Variants in COA5 observed in about 807,000 individuals in gnomAD.
COA5 encodes protein C2orf64.
A neutral mutation model predicts 11.8 loss-of-function variants in COA5; 11 were observed. The observed-to-expected ratio is 0.93, with a 90% confidence interval of 0.59 to 1.54. The LOEUF (loss-of-function observed/expected upper bound fraction) is 1.54, where lower values mean the gene tolerates loss of function less well. Ranked by LOEUF, COA5 falls within the 40% of genes most tolerant of loss-of-function variation. COA5 has a pLI of 0.00. For synonymous variants in COA5, 38 were observed against 37.5 expected, an observed-to-expected ratio of 1.01 and a Z score of -0.05; for missense variants, 87 against 89.2, an observed-to-expected ratio of 0.97 and a Z score of 0.10.
At chr2:98,600,900 G>T in intron 2 of COA5, 107 bp from the exon 3 acceptor site, 1 of 756,058 alleles carries the variant, frequency 1.3e-6, no homozygotes, top group Non-Finnish European at 2.3e-6. Flanking sequence ...CCAGTTATTA[G>T]CAAAATCAAA....
rs1392295555 is a variant in COA5, at chr2:98,608,367, C to G, written c.39G>C (p.Ala13=). The G allele has an allele frequency of 4.3e-6, 7 of 1,609,556 alleles. No homozygotes were observed. The highest frequency in any genetic ancestry group is 5.9e-6 in the Non-Finnish European group (7 of 1,178,792). The change falls in exon 1 of 3, where the codon GCG becomes GCC. Residue 13 remains alanine, a synonymous_variant. Transcript: ENST00000328709. ...CCAGGTCCTCCTTCAGGCCCGCGCACGCGCCGCCCTGCGGCTTGTCCTCAT... is the reference window on the plus strand; with the variant it reads ...CCAGGTCCTCCTTCAGGCCCGCGCAGGCGCCGCCCTGCGGCTTGTCCTCAT... ...KYYEDKPQGG[A]CAGLKEDLGA... is the part of the protein sequence containing the mutation.
intron 1 of COA5, 110 bp downstream of exon 1, chr2:98,608,197 G>A: frequency 5.2e-6 from 4 of 775,128 alleles, no homozygotes; most frequent in Non-Finnish European, 8.8e-6. Context: ...TGTGACCTAC[G>A]CCCGGGATGG....
chr2:98,605,415 C>T (rs1171313456), intron 1 of COA5, among the ~76,000 whole-genome samples: 1 of 152,206 alleles, frequency 6.6e-6, no homozygotes, highest in African/African-American at 2.4e-5. Context: ...ATGAGAGTAA[C>T]ACCCTACTTG....
In COA5 at chr2:98,608,293, C is replaced by G; in HGVS notation, c.99+14G>C. The G allele has an allele frequency of 6.3e-7, 1 of 1,577,314 alleles. No individual in the cohort carries two copies. Among genetic ancestry groups the G allele is most frequent in the Non-Finnish European group, 8.6e-7 (1 of 1,162,130 alleles). ...ACAGGGGTCGTCACCACCGGGAGCGCCCGGCCGCGCTACCTGGACCACACA... is the reference window on the plus strand; with the variant it reads ...ACAGGGGTCGTCACCACCGGGAGCGGCCGGCCGCGCTACCTGGACCACACA... On this transcript the variant is annotated intron_variant, in intron 1 of 2. Coordinates refer to ENST00000328709, the MANE Select transcript of COA5 (RefSeq NM_001008215.3).
intron 1 of COA5, among the ~76,000 whole-genome samples, chr2:98,606,801 C>A (rs190661230): frequency 6.6e-6 from 1 of 152,224 alleles, no homozygotes; most frequent in Non-Finnish European, 1.5e-5. Flanking sequence ...CTCACTCTGA[C>A]ACACATACAG....
Position 98,599,575 on chromosome 2 carries a change from A to C in COA5, c.*1177T>G, listed in dbSNP as rs575411555. ...CTGTGGAATTCTCACTTTTTAGTAG[A>C]ACCTTTAAAAACTCAAGTGAGCTGT... is the stretch of plus-strand genomic sequence containing the variant. On this transcript the variant is annotated 3_prime_UTR_variant, in exon 3 of 3. Coordinates refer to ENST00000328709, the MANE Select transcript of COA5 (RefSeq NM_001008215.3). 1 of 152,310 alleles carries C rather than the reference A, an allele frequency of 6.6e-6. No individual in the cohort carries two copies. Among genetic ancestry groups the C allele is most frequent in the African/African-American group, 2.4e-5 (1 of 41,568 alleles). 9.4% of individuals were successfully genotyped at this position (152,310 alleles called of 1,614,324 possible).
intron 1 of COA5, among the ~76,000 whole-genome samples, chr2:98,606,454 T>C (rs548317565): frequency 1.7e-4 from 26 of 152,364 alleles, no homozygotes; most frequent in African/African-American, 5.5e-4. Flanking sequence ...AACTGAGCAC[T>C]GGTAAGGCCA....
chr2:98,604,678 A>G (rs1700686108), intron 1 of COA5: 1 of 164,534 alleles, frequency 6.1e-6, no homozygotes, highest in Non-Finnish European at 1.3e-5. Context: ...TTTTCCCTCA[A>G]GCAGATTTTG....
intron 2 of COA5, among the ~76,000 whole-genome samples, chr2:98,602,193 A>G (rs1478876342): frequency 1.3e-5 from 2 of 152,242 alleles, no homozygotes; most frequent in Non-Finnish European, 2.9e-5. Context: ...CTCACCTTCA[A>G]TAAGATGCAC....
chr2:98,606,953 T>TAAC (rs1381041986), intron 1 of COA5, among the ~76,000 whole-genome samples: 2 of 152,192 alleles, frequency 1.3e-5, no homozygotes, highest in African/African-American at 4.8e-5. Flanking sequence ...ACCACAACAG[T>TAAC]TCCCACTCCT....
At chr2:98,608,011 T>G (rs1347769917) in intron 1 of COA5, among the ~76,000 whole-genome samples, 2 of 152,246 alleles carry the variant, frequency 1.3e-5, no homozygotes, top group Non-Finnish European at 2.9e-5. Context: ...TTATTCTCCT[T>G]TATGTCTCCA....
Position 98,600,808 on chromosome 2 carries a change from A to T in COA5, c.184-15T>A. 6.5e-7 allele frequency: 1 copy of T among 1,532,748 alleles called. No homozygotes were observed. The highest frequency in any genetic ancestry group is 9.0e-7 in the Non-Finnish European group (1 of 1,108,848). 94.9% of individuals were successfully genotyped at this position (1,532,748 alleles called of 1,614,324 possible). A position where few individuals can be genotyped will look rare whatever the true frequency, so the allele number is the denominator to read the frequency against. On this transcript the variant is annotated splice_polypyrimidine_tract_variant and intron_variant, in intron 2 of 2. Coordinates refer to ENST00000328709, the MANE Select transcript of COA5 (RefSeq NM_001008215.3). ...CTGTTATCCAACTGAAAATAAATAT[A>T]CAATTAAATCAAATTTGGTACAATG...
At chr2:98,605,711 TG>T (rs977609234) in intron 1 of COA5, 21 of 152,290 alleles carry the variant, frequency 1.4e-4, no homozygotes, top group Middle Eastern at 3.4e-3. Context: ...TTTAACTTAT[TG>T]GGGGTAGGGT....
chr2:98,606,846 C>G (rs1370441798), intron 1 of COA5, among the ~76,000 whole-genome samples: 2 of 152,212 alleles, frequency 1.3e-5, no homozygotes, highest in African/African-American at 4.8e-5. Flanking sequence ...CCCCTCAGGC[C>G]TTCTGTCGCA....
rs895031069 is a variant in COA5, at chr2:98,600,376, T to C, written c.*376A>G. On this transcript the variant is annotated 3_prime_UTR_variant, in exon 3 of 3. Transcript: ENST00000328709. ...ACTTTCCCAACAGACACCTTCTGGATAGGCTGCATGTTATCGACTGTGTCA... is the reference window on the plus strand; with the variant it reads ...ACTTTCCCAACAGACACCTTCTGGACAGGCTGCATGTTATCGACTGTGTCA... The C allele has an allele frequency of 4.2e-5, 10 of 240,804 alleles. No homozygotes were observed. Among genetic ancestry groups the C allele is most frequent in the Non-Finnish European group, 7.4e-5 (9 of 121,738 alleles). The allele number at this position is 240,804 out of a possible 1,614,324, so 14.9% of individuals were successfully genotyped here. A position where few individuals can be genotyped will look rare whatever the true frequency, so the allele number is the denominator to read the frequency against.
intron 2 of COA5, 21 bp downstream of exon 2, chr2:98,604,087 T>C: frequency 6.3e-7 from 1 of 1,590,368 alleles, no homozygotes; most frequent in Non-Finnish European, 8.6e-7. Context: ...CATAGGCTTT[T>C]AAAAATCTTT....
chr2:98,608,229 G>A, intron 1 of COA5, 78 bp downstream of exon 1: 1 of 1,109,962 alleles, frequency 9.0e-7, no homozygotes, highest in Middle Eastern at 2.8e-4. Context: ...CGCCGCCGCG[G>A]GCGACCCGCT....
In COA5 at chr2:98,600,596, G is replaced by A. The variant is rs1022433583; in HGVS notation, c.*156C>T. On this transcript the variant is annotated 3_prime_UTR_variant, in exon 3 of 3. Coordinates refer to ENST00000328709, the MANE Select transcript of COA5 (RefSeq NM_001008215.3). ...AGAATCATTTACTTTATACATATTCGAAAACAACTCATCCACTTTCTTCAG... is the reference window on the plus strand; with the variant it reads ...AGAATCATTTACTTTATACATATTCAAAAACAACTCATCCACTTTCTTCAG... 37 of 678,252 alleles carry A rather than the reference G, an allele frequency of 5.5e-5. No individual in the cohort carries two copies. Among genetic ancestry groups the A allele is most frequent in the South Asian group, 3.5e-4 (21 of 60,804 alleles). 42.0% of individuals were successfully genotyped at this position (678,252 alleles called of 1,614,324 possible).
Position 98,608,503 on chromosome 2 carries a change from A to G in COA5, c.-98T>C, listed in dbSNP as rs533443579. On this transcript the variant is annotated 5_prime_UTR_variant, in exon 1 of 3. Coordinates refer to ENST00000328709, the MANE Select transcript of COA5 (RefSeq NM_001008215.3). ...GAGGCCCCAGTCTCAGGGGACCGGA[A>G]GCCAGCGGCAACAACTTCCGGCGGG... 1.6e-5 allele frequency: 15 copies of G among 963,606 alleles called. No homozygotes were observed. The highest frequency in any genetic ancestry group is 6.0e-5 in the Admixed American group (3 of 50,216). The allele number at this position is 963,606 out of a possible 1,614,324, so 59.7% of individuals were successfully genotyped here.
Sources: gnomAD v4.1 joint callset for allele counts (sites outside exome capture counted in the v4.1 genomes callset) on GRCh38, gnomAD v4.1.1 for gene constraint, MANE v1.5 for transcripts, NCBI Gene and HGNC (gene_info 2026-07-23, HGNC 2026-07-21) for gene names.